Variants in SORCS1 observed in about 807,000 individuals in gnomAD.
SORCS1 encodes sortilin related VPS10 domain containing receptor 1, also known as VPS10 domain-containing receptor SorCS1.
SORCS1 carries 60 observed loss-of-function variants against 146.1 expected under a neutral mutation model. The observed-to-expected ratio is 0.41, with a 90% confidence interval of 0.33 to 0.51. SORCS1 has a LOEUF of 0.51. SORCS1 is among the 20% of genes least tolerant of loss of function. The pLI is 0.21. For missense variants in SORCS1, 1,352 were observed against 1,487.6 expected (o/e 0.91, Z 1.50); for synonymous variants, 637 against 584.0 (o/e 1.09, Z -1.31).
chr10:107,179,158 A>T, the SORCS1 span, among the ~76,000 whole-genome samples: 1 of 152,160 alleles, frequency 6.6e-6, no homozygotes, highest in Non-Finnish European at 1.5e-5. Flanking sequence ...TAGCCATTCT[A>T]ACTGCAATAA....
rs554065259 is a variant in SORCS1 at position 106,919,195 on chromosome 10, A to T, written c.626+37318T>A. ...CAGACCACTTAAATACTTCTATTTA[A>T]AGAGGTGATGGTATGATAGCTATGC... On this transcript the variant is annotated intron_variant, in intron 2 of 25. Coordinates refer to ENST00000263054, the MANE Select transcript of SORCS1 (RefSeq NM_052918.5). Among the ~76,000 whole-genome samples the T allele has an allele frequency of 1.3e-3, 196 of 152,206 alleles. 1 individual carries two copies. Among genetic ancestry groups the T allele is most frequent in the Non-Finnish European group, 2.6e-3 (176 of 68,042 alleles).
intron 1 of SORCS1, among the ~76,000 whole-genome samples, chr10:107,044,512 T>TAAAAAAAAAAAAAAAA (rs59253149): frequency 1.4e-5 from 1 of 74,060 alleles, no homozygotes; most frequent in Non-Finnish European, 2.5e-5. Context: ...TTCTAATTTG[T>TAAAAAAAAAAAAAAAA]AAAAAAAAAA....
chr10:106,815,604 C>A lies in SORCS1; in HGVS notation c.726+13970G>T, dbSNP rs1363933619. 2.0e-5 allele frequency among the ~76,000 whole-genome samples: 3 copies of A among 152,232 alleles called. No individual in the cohort carries two copies. In the East Asian group the frequency reaches 5.8e-4, roughly 29 times the overall value. ...ATGCTGACTTGGGTCTCCAGGGAGC[C>A]AGATGGCCTCCTACTCATCATATTA... On this transcript the variant is annotated intron_variant, in intron 3 of 25. Transcript: ENST00000263054.
At position 106,831,363 on chromosome 10, in the gene SORCS1, G is replaced by A. The variant is rs541124786; in HGVS notation, c.627-1690C>T. 1.0e-3 allele frequency among the ~76,000 whole-genome samples: 152 copies of A among 152,150 alleles called. 1 individual carries two copies. Among genetic ancestry groups the A allele is most frequent in the Non-Finnish European group, 2.0e-3 (134 of 67,998 alleles). On this transcript the variant is annotated intron_variant, in intron 2 of 25. Coordinates refer to ENST00000263054, the MANE Select transcript of SORCS1 (RefSeq NM_052918.5). The stretch of plus-strand genomic sequence containing the variant: ...ACCAGACAGTGTTGCTAAGTGTAAG[G>A]ACATAGCACACAGCCTCTACTCTCA...
At chr10:106,672,228 T>G (rs1851660580) in intron 15 of SORCS1, among the ~76,000 whole-genome samples, 1 of 152,210 alleles carries the variant, frequency 6.6e-6, no homozygotes, top group African/African-American at 2.4e-5. Flanking sequence ...AGCAGGTACT[T>G]CTACCAAATC....
chr10:106,772,477 TCTCTCTCTCTCTCCCCTC>T (rs1410779915), intron 4 of SORCS1, among the ~76,000 whole-genome samples: 5 of 151,278 alleles, frequency 3.3e-5, no homozygotes, highest in Admixed American at 2.0e-4. Context: ...TCAATCTCTC[TCTCTCTCTCTCTCCCCTC>T]CTCTCTCTCT....
chr10:106,733,076 C>T (rs1856712702), intron 5 of SORCS1, among the ~76,000 whole-genome samples: 1 of 137,500 alleles, frequency 7.3e-6, no homozygotes, highest in Non-Finnish European at 1.5e-5. Flanking sequence ...CTGCTGTACT[C>T]TAGCATGGGC....
chr10:107,178,891 T>C, the SORCS1 span, among the ~76,000 whole-genome samples: 1 of 152,188 alleles, frequency 6.6e-6, no homozygotes, highest in African/African-American at 2.4e-5. Flanking sequence ...TGATTCCTCA[T>C]CTCAGCTATC....
chr10:106,593,197 G>A (rs193141270), intron 24 of SORCS1, among the ~76,000 whole-genome samples: 1 of 150,780 alleles, frequency 6.6e-6, no homozygotes, highest in East Asian at 1.9e-4. Flanking sequence ...CTACCAAAGT[G>A]CCAAGTTTTC....
At chr10:107,026,290 T>G (rs1347509022) in intron 1 of SORCS1, among the ~76,000 whole-genome samples, 1 of 152,182 alleles carries the variant, frequency 6.6e-6, no homozygotes, top group Non-Finnish European at 1.5e-5. Context: ...GATGCCCTGA[T>G]TAAAGCTTGT....
the SORCS1 span, among the ~76,000 whole-genome samples, chr10:107,171,241 C>T: frequency 1.3e-5 from 2 of 152,114 alleles, no homozygotes; most frequent in Admixed American, 6.5e-5. Flanking sequence ...GACCACCATA[C>T]CCCAGCAGAT....
intron 2 of SORCS1, among the ~76,000 whole-genome samples, chr10:106,879,262 C>T (rs1950724869): frequency 6.6e-6 from 1 of 152,112 alleles, no homozygotes; most frequent in African/African-American, 2.4e-5. Context: ...GCCAACCCTA[C>T]TCACTTGTAT....
intron 23 of SORCS1, among the ~76,000 whole-genome samples, chr10:106,604,203 T>C (rs527582717): frequency 6.6e-6 from 1 of 152,216 alleles, no homozygotes; most frequent in Non-Finnish European, 1.5e-5. Flanking sequence ...GTGATACTTT[T>C]GAGTGGTTCT....
In SORCS1 at chr10:106,986,511, CGTGTGTGTGTGTGTGT is replaced by C. The variant is rs58888609; in HGVS notation, c.559-29947_559-29932del. On this transcript the variant is annotated intron_variant, in intron 1 of 25. Coordinates refer to ENST00000263054, the MANE Select transcript of SORCS1 (RefSeq NM_052918.5). ...TGATTCTTAAGAATATATATACAAC[CGTGTGTGTGTGTGTGT>C]GTGTGTGTGTGTGTGTGTGTGTCTG... is the stretch of plus-strand genomic sequence containing the variant. Among the ~76,000 whole-genome samples the C allele has an allele frequency of 1.5e-4, 22 of 148,426 alleles. No homozygotes were observed. The South Asian group carries it at 2.2e-3, about 15-fold the overall frequency.
intron 2 of SORCS1, among the ~76,000 whole-genome samples, chr10:106,894,058 A>T (rs1175113255): frequency 2.0e-5 from 3 of 152,246 alleles, no homozygotes; most frequent in Non-Finnish European, 4.4e-5. Flanking sequence ...AGAATTTTTC[A>T]GCAAATTCAA....
intron 6 of SORCS1, among the ~76,000 whole-genome samples, chr10:106,723,696 T>C (rs566697132): frequency 2.0e-5 from 3 of 152,302 alleles, no homozygotes; most frequent in East Asian, 1.9e-4. Context: ...GTGCCAACCA[T>C]AGACTCTCAC....
At chr10:107,058,355 A>G (rs936639433) in intron 1 of SORCS1, among the ~76,000 whole-genome samples, 7 of 152,184 alleles carry the variant, frequency 4.6e-5, no homozygotes, top group African/African-American at 1.7e-4. Context: ...ATCAACTTTT[A>G]TTCAACATGA....
In SORCS1 at chr10:106,959,446, A is replaced by T. The variant is rs75136627; in HGVS notation, c.559-2866T>A. On this transcript the variant is annotated intron_variant, in intron 1 of 25. Transcript: ENST00000263054. ...TCTGTGCATTATTTACCATCTTATTACTGAACAACGATGCATCCTTATGTT... is the reference window on the plus strand; with the variant it reads ...TCTGTGCATTATTTACCATCTTATTTCTGAACAACGATGCATCCTTATGTT... Among the ~76,000 whole-genome samples the T allele has an allele frequency of 4.2e-4, 64 of 152,144 alleles. 3 individuals are homozygous for T. In the East Asian group the frequency reaches 0.011, roughly 25 times the overall value.
intron 23 of SORCS1, among the ~76,000 whole-genome samples, chr10:106,599,953 G>C (rs1846143132): frequency 6.6e-6 from 1 of 151,868 alleles, no homozygotes; most frequent in South Asian, 2.1e-4. Context: ...TTGTTTGTTT[G>C]TTTGTTTTGT....
Sources: allele counts gnomAD v4.1 joint callset (sites outside exome capture counted in the v4.1 genomes callset), GRCh38; gene constraint gnomAD v4.1.1; transcripts MANE v1.5; gene names NCBI Gene and HGNC (gene_info 2026-07-23, HGNC 2026-07-21).